DRC4: variants seen among roughly 807,000 people sequenced by gnomAD.
DRC4 encodes the protein dynein regulatory complex subunit 4.
chr16:90,025,127 C>A, the DRC4 span, among the ~76,000 whole-genome samples: 69,515 of 149,616 alleles, frequency 0.46, 16,744 homozygotes, highest in East Asian at 0.81. Context: ...AGCGATTCTC[C>A]TGCCTCGGCC....
chr16:90,043,805 T>C, the DRC4 span: 1 of 469,308 alleles, frequency 2.1e-6, no homozygotes, highest in Non-Finnish European at 4.4e-6. Flanking sequence ...CCCTAGGAAG[T>C]GGTGAGCCAA....
At chr16:90,044,284 C>G in the DRC4 span, 1 of 438,044 alleles carries the variant, frequency 2.3e-6, no homozygotes, top group Non-Finnish European at 4.5e-6. Context: ...CCCCACAAAG[C>G]CTGACCCTGG....
the DRC4 span, among the ~76,000 whole-genome samples, chr16:90,033,160 A>AG: frequency 6.6e-6 from 1 of 152,220 alleles, no homozygotes; most frequent in African/African-American, 2.4e-5. Context: ...ACGTCACCGA[A>AG]GAGAAAAAAT....
the DRC4 span, chr16:90,042,192 T>C: frequency 2.0e-6 from 1 of 510,996 alleles, no homozygotes; most frequent in Non-Finnish European, 3.8e-6. Context: ...CTCCTTGGCC[T>C]CCCACACTGC....
the DRC4 span, chr16:90,042,545 T>A: frequency 5.0e-6 from 8 of 1,612,138 alleles, no homozygotes; most frequent in Non-Finnish European, 6.8e-6. Context: ...GGTACGGCTG[T>A]GCCCTGCCCT....
chr16:90,037,311 T>G, the DRC4 span: 1 of 1,614,020 alleles, frequency 6.2e-7, no homozygotes, highest in Non-Finnish European at 8.5e-7. Context: ...AACAAGCGCC[T>G]GGCAGACCCT....
chr16:90,022,927 C>G, the DRC4 span, among the ~76,000 whole-genome samples: 38 of 152,184 alleles, frequency 2.5e-4, no homozygotes, highest in South Asian at 3.5e-3. Flanking sequence ...GCACTCGGGA[C>G]TGAGACCTGG....
At chr16:90,041,967 T>C in the DRC4 span, among the ~76,000 whole-genome samples, 1 of 152,084 alleles carries the variant, frequency 6.6e-6, no homozygotes, top group African/African-American at 2.4e-5. Flanking sequence ...AGACGGTGTC[T>C]TGCTCTGTCA....
At chr16:90,019,759 T>C in the DRC4 span, 7 of 680,630 alleles carry the variant, frequency 1.0e-5, no homozygotes, top group Admixed American at 2.2e-5. The surrounding 1 kb of genome is among the most constrained non-coding windows in gnomAD (Gnocchi z 6.1). Context: ...GTCCTCTTGT[T>C]CTCTTCCAGG....
the DRC4 span, among the ~76,000 whole-genome samples, chr16:90,041,589 AGTTT>A: frequency 6.6e-6 from 1 of 152,134 alleles, no homozygotes; most frequent in South Asian, 2.1e-4. Context: ...GCAGATCACG[AGTTT>A]GGGAGTTCAA....
At chr16:90,031,693 G>A in the DRC4 span, among the ~76,000 whole-genome samples, 1 of 152,184 alleles carries the variant, frequency 6.6e-6, no homozygotes, top group South Asian at 2.1e-4. Context: ...CAACATGGAA[G>A]GAATATGGGC....
At chr16:90,039,495 C>T in the DRC4 span, among the ~76,000 whole-genome samples, 1 of 151,778 alleles carries the variant, frequency 6.6e-6, no homozygotes, top group Admixed American at 6.6e-5. Context: ...AAGTGATACT[C>T]CTGCCTCGGC....
chr16:90,043,132 A>G, the DRC4 span: 3 of 1,524,090 alleles, frequency 2.0e-6, no homozygotes, highest in Non-Finnish European at 2.7e-6. Context: ...ATGGAGCTGC[A>G]CTCAGCTCTG....
the DRC4 span, chr16:90,032,809 C>T: frequency 6.2e-7 from 1 of 1,613,970 alleles, no homozygotes; most frequent in Non-Finnish European, 8.5e-7. Flanking sequence ...ATGAAGCTGG[C>T]ACAGAAAGAG....
the DRC4 span, chr16:90,037,775 GT>G: frequency 1.2e-6 from 2 of 1,613,992 alleles, no homozygotes. Context: ...ACAAAAGCCC[GT>G]TTGAAAGTCA....
chr16:90,031,233 C>T, the DRC4 span: 1 of 1,602,522 alleles, frequency 6.2e-7, no homozygotes, highest in Admixed American at 1.7e-5. Context: ...TTTCGCCGGC[C>T]ACACGCCCCG....
At chr16:90,024,130 ACACACACACT>A in the DRC4 span, among the ~76,000 whole-genome samples, 8 of 147,918 alleles carry the variant, frequency 5.4e-5, no homozygotes, top group South Asian at 4.3e-4. Flanking sequence ...AAATACACAC[ACACACACACT>A]CACACACACA....
At chr16:90,021,053 G>C in the DRC4 span, 1 of 152,248 alleles carries the variant, frequency 6.6e-6, no homozygotes, top group Non-Finnish European at 1.5e-5. Flanking sequence ...CAGGCACAGT[G>C]ACCAGCCAGA....
At chr16:90,027,430 G>A in the DRC4 span, among the ~76,000 whole-genome samples, 1 of 152,172 alleles carries the variant, frequency 6.6e-6, no homozygotes, top group African/African-American at 2.4e-5. Context: ...CAAAAGGAAG[G>A]TTTCTCCTTT....
Sources: gnomAD v4.1 joint callset for allele counts (sites outside exome capture counted in the v4.1 genomes callset) on GRCh38, gnomAD v4.1.1 for gene constraint, Gnocchi (gnomAD v3.1) non-coding constraint, MANE v1.5 for transcripts, NCBI Gene and HGNC (gene_info 2026-07-23, HGNC 2026-07-21) for gene names.